The following CNTN3 variants were observed in gnomAD, a reference collection of about 807,000 sequenced individuals.
CNTN3 encodes the protein contactin-3.
Under a neutral mutation model 119.1 loss-of-function variants are expected in CNTN3, and 60 were observed. The ratio of observed to expected loss-of-function variants is 0.50; its 90% CI spans 0.41 to 0.62. The LOEUF (loss-of-function observed/expected upper bound fraction) is 0.62, where lower values mean the gene tolerates loss of function less well. Ranked by LOEUF, CNTN3 falls within the 20% of genes least tolerant of loss-of-function variation. The pLI is 0.00. For missense variants in CNTN3, 1,101 were observed against 1,242.4 expected (o/e 0.89, Z 1.71); for synonymous variants, 450 against 438.7 (o/e 1.03, Z -0.32).
At chr3:74,508,336 C>T (rs1333148862) in intron 2 of CNTN3, among the ~76,000 whole-genome samples, 1 of 152,070 alleles carries the variant, frequency 6.6e-6, no homozygotes, top group Non-Finnish European at 1.5e-5. Context: ...TCAATTAGGC[C>T]TCTTCTCTTT....
chr3:74,451,947 G>A (rs1276462561), intron 4 of CNTN3, among the ~76,000 whole-genome samples: 5 of 112,554 alleles, frequency 4.4e-5, no homozygotes, highest in Admixed American at 9.3e-5. Context: ...GTCAGGTAGC[G>A]TGAGGCCTCC....
chr3:74,275,999 A>G (rs1230375347), intron 20 of CNTN3, among the ~76,000 whole-genome samples: 2 of 152,212 alleles, frequency 1.3e-5, no homozygotes, highest in Non-Finnish European at 2.9e-5. Context: ...AGCTACTCTT[A>G]TATCAAACAA....
intron 5 of CNTN3, among the ~76,000 whole-genome samples, chr3:74,418,096 T>G (rs1289994122): frequency 6.6e-6 from 1 of 152,136 alleles, no homozygotes; most frequent in African/African-American, 2.4e-5. Context: ...ACCTGCTCCT[T>G]TAGGGAAGGT....
intron 1 of CNTN3, among the ~76,000 whole-genome samples, chr3:74,526,044 A>G (rs1411545488): frequency 6.6e-6 from 1 of 151,904 alleles, no homozygotes; most frequent in Non-Finnish European, 1.5e-5. Context: ...TTTCTTTCAG[A>G]TAACATGTAC....
chr3:74,499,563 T>A, intron 3 of CNTN3, 96 bp downstream of exon 3: 1 of 1,164,046 alleles, frequency 8.6e-7, no homozygotes, highest in Non-Finnish European at 1.2e-6. Flanking sequence ...TTTTTCTTAC[T>A]GATGGCATAA....
chr3:74,290,524 C>T (rs2106793252), intron 19 of CNTN3, among the ~76,000 whole-genome samples: 1 of 152,242 alleles, frequency 6.6e-6, no homozygotes, highest in South Asian at 2.1e-4. Flanking sequence ...TTTGGAATCC[C>T]ACAAGCCATT....
At chr3:74,568,713 A>G (rs556718329) in intron 1 of CNTN3, among the ~76,000 whole-genome samples, 128 of 152,312 alleles carry the variant, frequency 8.4e-4, no homozygotes, top group African/African-American at 3.0e-3. Flanking sequence ...TCTGTTCTCC[A>G]ACCTGGCTTC....
chr3:74,590,039 C>A (rs1274378862), intron 1 of CNTN3, among the ~76,000 whole-genome samples: 1 of 151,288 alleles, frequency 6.6e-6, no homozygotes, highest in Non-Finnish European at 1.5e-5. Flanking sequence ...AGCTCACCAG[C>A]ATGGCACATG....
chr3:74,450,949 C>T (rs1183761539), intron 4 of CNTN3, among the ~76,000 whole-genome samples: 4 of 151,916 alleles, frequency 2.6e-5, no homozygotes, highest in Admixed American at 6.6e-5. Flanking sequence ...GTCTTTGCTA[C>T]TGTGAATAGT....
intron 4 of CNTN3, among the ~76,000 whole-genome samples, chr3:74,425,256 C>T (rs1036774170): frequency 2.0e-5 from 3 of 152,092 alleles, no homozygotes; most frequent in East Asian, 1.9e-4. Flanking sequence ...CCACTGTAGT[C>T]GTCCCCAGGG....
At chr3:74,462,097 A>T (rs1012803581) in intron 4 of CNTN3, among the ~76,000 whole-genome samples, 6 of 151,976 alleles carry the variant, frequency 3.9e-5, no homozygotes, top group African/African-American at 1.4e-4. Context: ...TTGTTTAAAC[A>T]TGTGGGGAAC....
At position 74,537,946 on chromosome 3, in the gene CNTN3, G is replaced by T. The variant is rs147110742; in HGVS notation, c.-80-16754C>A. 6.2e-4 allele frequency among the ~76,000 whole-genome samples: 94 copies of T among 152,176 alleles called. 1 individual carries two copies. Among genetic ancestry groups the T allele is most frequent in the Middle Eastern group, 3.4e-3 (1 of 294 alleles). On this transcript the variant is annotated intron_variant, in intron 1 of 22. Transcript: ENST00000263665. Reference sequence around the variant, plus strand: ...GAAGGGCAGCCCGAGGGGAAGGGACGGTGGACAGAGACAACCTAGATAGAT... The same window carrying T: ...GAAGGGCAGCCCGAGGGGAAGGGACTGTGGACAGAGACAACCTAGATAGAT...
Position 74,263,643 on chromosome 3 carries a change from T to G in CNTN3, c.*758A>C, listed in dbSNP as rs1701617113. The stretch of plus-strand genomic sequence containing the variant: ...TCTTCATGACTTTTATGTGATTAAA[T>G]AAATTCATGCTAATATTTTGCATGG... On this transcript the variant is annotated 3_prime_UTR_variant, in exon 23 of 23. Coordinates refer to ENST00000263665, the MANE Select transcript of CNTN3 (RefSeq NM_020872.3). 1 of 152,194 alleles carries G rather than the reference T, an allele frequency of 6.6e-6. No individual in the cohort carries two copies. Among genetic ancestry groups the G allele is most frequent in the South Asian group, 2.1e-4 (1 of 4,830 alleles). The allele number at this position is 152,194 out of a possible 1,614,324, so 9.4% of individuals were successfully genotyped here. A position where few individuals can be genotyped will look rare whatever the true frequency, so the allele number is the denominator to read the frequency against.
In CNTN3 at chr3:74,301,480, A is replaced by G. The variant is rs977302012; in HGVS notation, c.2013T>C (p.Tyr671=). ...TGTTACTGGCTACAACCCGAAATTC[A>G]TATTCCACCCATGGGTTTAACTCAA... ...TVVELNPWVE[Y]EFRVVASNKI... The change falls in exon 16 of 23, where the codon TAT becomes TAC. Residue 671 remains tyrosine (Y), a synonymous_variant. Transcript: ENST00000263665. The G allele has an allele frequency of 6.2e-7, 1 of 1,614,012 alleles. No homozygotes were observed. Among genetic ancestry groups the G allele is most frequent in the Non-Finnish European group, 8.5e-7 (1 of 1,180,010 alleles).
chr3:74,269,553 A>G (rs1009013204), intron 20 of CNTN3, among the ~76,000 whole-genome samples: 11 of 152,304 alleles, frequency 7.2e-5, no homozygotes, highest in African/African-American at 2.6e-4. Context: ...ATTTCTGTAC[A>G]TACATAATCT....
At chr3:74,319,418 G>A (rs1301485789) in intron 13 of CNTN3, among the ~76,000 whole-genome samples, 8 of 152,090 alleles carry the variant, frequency 5.3e-5, no homozygotes, top group Non-Finnish European at 8.8e-5. Flanking sequence ...AATGGGGAAA[G>A]GATTCCCTAT....
chr3:74,452,068 C>T lies in CNTN3; in HGVS notation c.359-27128G>A, dbSNP rs1292387666. 4.0e-3 allele frequency among the ~76,000 whole-genome samples: 586 copies of T among 144,928 alleles called. 4 individuals carry two copies. The highest frequency in any genetic ancestry group is 9.2e-3 in the Admixed American group (134 of 14,526). ...TCTGTGAAGAAAGTCATTGGTAGCT[C>T]GATGGGGATGGCATTGAATCTATAA... On this transcript the variant is annotated intron_variant, in intron 4 of 22. Coordinates refer to ENST00000263665, the MANE Select transcript of CNTN3 (RefSeq NM_020872.3).
intron 2 of CNTN3, among the ~76,000 whole-genome samples, chr3:74,509,200 G>A (rs1703318951): frequency 6.6e-6 from 1 of 152,000 alleles, no homozygotes; most frequent in African/African-American, 2.4e-5. Context: ...CCTGTGGAGG[G>A]AAAATAAACA....
chr3:74,489,701 G>A (rs1302954459), intron 3 of CNTN3, among the ~76,000 whole-genome samples: 3 of 138,908 alleles, frequency 2.2e-5, no homozygotes, highest in Non-Finnish European at 4.6e-5. Context: ...AATGGGATTT[G>A]GTACCAACTG....
Sources: allele counts gnomAD v4.1 joint callset (sites outside exome capture counted in the v4.1 genomes callset), GRCh38; gene constraint gnomAD v4.1.1; transcripts MANE v1.5; gene names NCBI Gene and HGNC (gene_info 2026-07-23, HGNC 2026-07-21).